The following NEK1 variants were observed in gnomAD, a reference collection of about 807,000 sequenced individuals.
NEK1 encodes the protein NIMA related kinase 1.
A neutral mutation model predicts 182.1 loss-of-function variants in NEK1; 137 were observed. The ratio of observed to expected loss-of-function variants is 0.75; its 90% CI spans 0.65 to 0.87. The LOEUF (loss-of-function observed/expected upper bound fraction) is 0.87. NEK1 is among the 40% of genes least tolerant of loss of function. The pLI, the probability that NEK1 is intolerant of heterozygous loss-of-function variation, is 0.00. For synonymous variants in NEK1, 513 were observed against 492.2 expected, an observed-to-expected ratio of 1.04 and a Z score of -0.56; for missense variants, 1,391 against 1,494.4, an observed-to-expected ratio of 0.93 and a Z score of 1.14.
intron 19 of NEK1, among the ~76,000 whole-genome samples, chr4:169,509,523 C>A (rs1332236888): frequency 6.6e-6 from 1 of 151,662 alleles, no homozygotes; most frequent in Non-Finnish European, 1.5e-5. Context: ...TTTTTTTATT[C>A]ATCATCTCAA....
At chr4:169,411,104 T>C (rs761921734) in intron 31 of NEK1, among the ~76,000 whole-genome samples, 2 of 152,224 alleles carry the variant, frequency 1.3e-5, no homozygotes, top group Non-Finnish European at 2.9e-5. Flanking sequence ...GTCTTCCTGC[T>C]ACTGGAGCTT....
At chr4:169,509,765 T>G (rs1350675678) in intron 19 of NEK1, among the ~76,000 whole-genome samples, 1 of 152,134 alleles carries the variant, frequency 6.6e-6, no homozygotes, top group Non-Finnish European at 1.5e-5. Context: ...TATAGAAAAT[T>G]TATTAAAAAA....
chr4:169,431,325 A>C (rs1266688302), intron 29 of NEK1, among the ~76,000 whole-genome samples: 1 of 152,188 alleles, frequency 6.6e-6, no homozygotes, highest in African/African-American at 2.4e-5. Flanking sequence ...CATTCATTAG[A>C]TAAAAATCAC....
intron 11 of NEK1, among the ~76,000 whole-genome samples, chr4:169,577,880 T>C (rs923959951): frequency 2.6e-5 from 4 of 152,034 alleles, no homozygotes; most frequent in East Asian, 1.9e-4. Context: ...GCAACTTTTT[T>C]CCTTCATATA....
At chr4:169,562,058 G>A (rs1272372303) in intron 13 of NEK1, 79 bp downstream of exon 13, 1 of 1,201,226 alleles carries the variant, frequency 8.3e-7, no homozygotes, top group Non-Finnish European at 1.2e-6. Context: ...AAGGTTTGGA[G>A]GCTTTATAGT....
Position 169,562,030 on chromosome 4 carries a change from G to A in NEK1, c.1080+107C>T, listed in dbSNP as rs558044641. 4.6e-5 allele frequency: 51 copies of A among 1,118,060 alleles called. 1 individual carries two copies. In the South Asian group the frequency reaches 6.8e-4, roughly 15 times the overall value. The allele number at this position is 1,118,060 out of a possible 1,614,324, so 69.3% of individuals were successfully genotyped here. On this transcript the variant is annotated intron_variant, in intron 13 of 35. Transcript: ENST00000507142. Reference sequence around the variant, plus strand: ...AAAAAAAAAGAAGTTATAGGTATTCGTTTGAAAGAAATAAGGAAAGGTTTG... The same window carrying A: ...AAAAAAAAAGAAGTTATAGGTATTCATTTGAAAGAAATAAGGAAAGGTTTG...
intron 7 of NEK1, 47 bp downstream of exon 7, chr4:169,589,400 G>T (rs1188825953): frequency 6.7e-6 from 7 of 1,052,244 alleles, no homozygotes; most frequent in South Asian, 2.9e-5. Context: ...TGGATTGAAG[G>T]TTCGCTGAAA....
chr4:169,604,705 T>C (rs1357899698), intron 2 of NEK1, among the ~76,000 whole-genome samples: 1 of 152,206 alleles, frequency 6.6e-6, no homozygotes, highest in Non-Finnish European at 1.5e-5. Flanking sequence ...AAACATCATA[T>C]GCTGTGCCTA....
Position 169,507,695 on chromosome 4 carries a change from G to A in NEK1, c.1911+20C>T, listed in dbSNP as rs745820831. On this transcript the variant is annotated intron_variant, in intron 22 of 35. Transcript: ENST00000507142. ...CTTTCAATTTTCTCTAAGAAAACCT[G>A]TATCATTTCTAGTCTATACCTTCAG... The A allele has an allele frequency of 1.9e-6, 3 of 1,580,868 alleles. No homozygotes were observed. Among genetic ancestry groups the A allele is most frequent in the Non-Finnish European group, 2.6e-6 (3 of 1,154,902 alleles).
At chr4:169,408,293 G>A (rs184124741) in intron 31 of NEK1, among the ~76,000 whole-genome samples, 91 of 152,098 alleles carry the variant, frequency 6.0e-4, no homozygotes, top group Non-Finnish European at 1.1e-3. Flanking sequence ...TTACCTCCTG[G>A]AACAGGTTTA....
chr4:169,497,933 G>A (rs1211838892), intron 23 of NEK1, among the ~76,000 whole-genome samples: 2 of 152,194 alleles, frequency 1.3e-5, no homozygotes, highest in African/African-American at 2.4e-5. Flanking sequence ...CCTTGGTGCA[G>A]AGCTGAGTTC....
At chr4:169,430,543 G>C (rs1737232994) in intron 29 of NEK1, among the ~76,000 whole-genome samples, 1 of 152,122 alleles carries the variant, frequency 6.6e-6, no homozygotes, top group South Asian at 2.1e-4. Context: ...TGACATTCTG[G>C]AAAAGGCAAA....
chr4:169,596,781 A>G (rs759007393), intron 5 of NEK1, among the ~76,000 whole-genome samples: 4 of 152,110 alleles, frequency 2.6e-5, no homozygotes, highest in Non-Finnish European at 5.9e-5. Context: ...AGTTTAAATG[A>G]CCTCTTCCTA....
intron 18 of NEK1, among the ~76,000 whole-genome samples, chr4:169,545,837 C>T (rs1056552580): frequency 1.3e-5 from 2 of 152,076 alleles, no homozygotes; most frequent in African/African-American, 4.8e-5. Flanking sequence ...TTTTTGGCTG[C>T]ATAAATGTCT....
intron 26 of NEK1, among the ~76,000 whole-genome samples, chr4:169,471,169 AAGG>A (rs1413437205): frequency 6.6e-6 from 1 of 152,178 alleles, no homozygotes; most frequent in Non-Finnish European, 1.5e-5. Flanking sequence ...CCTTACTGGC[AAGG>A]AGTTGTGATA....
At chr4:169,606,761 C>A (rs1320448713) in intron 2 of NEK1, among the ~76,000 whole-genome samples, 1 of 152,228 alleles carries the variant, frequency 6.6e-6, no homozygotes, top group African/African-American at 2.4e-5. Context: ...TCTCTTTCAA[C>A]CATGATGGTG....
chr4:169,606,380 G>A (rs989509520), intron 2 of NEK1, among the ~76,000 whole-genome samples: 4 of 151,604 alleles, frequency 2.6e-5, no homozygotes, highest in Admixed American at 6.6e-5. Flanking sequence ...CTAGAAGCTG[G>A]CAAACACAAA....
intron 10 of NEK1, among the ~76,000 whole-genome samples, chr4:169,582,881 T>C (rs1041289383): frequency 5.9e-5 from 9 of 152,116 alleles, no homozygotes; most frequent in Non-Finnish European, 1.3e-4. Context: ...ATATAGAACA[T>C]TTTCATCATC....
At chr4:169,454,346 T>A (rs995293555) in intron 27 of NEK1, among the ~76,000 whole-genome samples, 2 of 152,100 alleles carry the variant, frequency 1.3e-5, no homozygotes, top group African/African-American at 4.8e-5. Flanking sequence ...CTAATTAAAC[T>A]AAAGAGCTTC....
Sources: gnomAD v4.1 joint callset for allele counts (sites outside exome capture counted in the v4.1 genomes callset) on GRCh38, gnomAD v4.1.1 for gene constraint, MANE v1.5 for transcripts, NCBI Gene and HGNC (gene_info 2026-07-23, HGNC 2026-07-21) for gene names.